Variants in ECE2 observed in about 807,000 individuals in gnomAD.
ECE2 encodes endothelin converting enzyme 2.
A neutral mutation model predicts 100.6 loss-of-function variants in ECE2; 81 were observed. That is an observed-to-expected ratio of 0.81 (90% CI 0.67 to 0.97). ECE2 has a LOEUF of 0.97. Ranked by LOEUF, ECE2 falls within the 50% of genes least tolerant of loss-of-function variation. The pLI, the probability that ECE2 is intolerant of heterozygous loss-of-function variation, is 0.00. For missense variants in ECE2, 911 were observed against 988.1 expected (o/e 0.92, Z 1.05); for synonymous variants, 391 against 391.5 (o/e 1.00, Z 0.02).
chr3:184,281,710 C>T (rs1311908511), intron 7 of ECE2, among the ~76,000 whole-genome samples: 3 of 152,216 alleles, frequency 2.0e-5, no homozygotes, highest in Admixed American at 6.5e-5. Context: ...GGAAAGACTT[C>T]GGTTTGGCTG....
At chr3:184,277,150 C>A in intron 3 of ECE2, 101 bp from the exon 4 acceptor site, 1 of 1,601,436 alleles carries the variant, frequency 6.2e-7, no homozygotes, top group Non-Finnish European at 8.5e-7. Flanking sequence ...GCTTTGCTTT[C>A]TCTTCCCAAC....
At chr3:184,276,344 G>A in intron 1 of ECE2, 137 bp from the exon 2 acceptor site, 2 of 1,374,618 alleles carry the variant, frequency 1.5e-6, no homozygotes, top group Admixed American at 2.2e-5. Context: ...CCCCGGGCCC[G>A]AGAGCAGGGC....
At chr3:184,287,048 C>T (rs1454290402) in intron 10 of ECE2, among the ~76,000 whole-genome samples, 10 of 151,562 alleles carry the variant, frequency 6.6e-5, no homozygotes, top group Non-Finnish European at 2.9e-5. Context: ...TCAAGGTGGG[C>T]GGATCACTTG....
chr3:184,276,170 AG>A lies in ECE2; in HGVS notation c.19del (p.Glu7SerfsTer26). 6.9e-7 allele frequency: 1 copy of A among 1,439,226 alleles called. No individual in the cohort carries two copies. Among genetic ancestry groups the A allele is most frequent in the Non-Finnish European group, 9.1e-7 (1 of 1,102,188 alleles). The allele number at this position is 1,439,226 out of a possible 1,614,324, so 89.2% of individuals were successfully genotyped here. A position where few individuals can be genotyped will look rare whatever the true frequency, so the allele number is the denominator to read the frequency against. The part of the protein sequence containing the change: MNVAL[Q>X]ELGAGSNMVE... ...GACTCCACCATGAACGTCGCGCTGC[AG>A]GAGCTGGGAGCTGGCAGCAACGTGA... On this transcript the variant is annotated frameshift_variant, in exon 1 of 19. Transcript: ENST00000404464. LOFTEE classifies it high-confidence loss of function.
At chr3:184,284,844 A>G in intron 8 of ECE2, 119 bp from the exon 9 acceptor site, 1 of 1,353,214 alleles carries the variant, frequency 7.4e-7, no homozygotes, top group Non-Finnish European at 1.0e-6. Context: ...AGGATACACC[A>G]TGAAGCCAGT....
intron 11 of ECE2, 151 bp downstream of exon 11, chr3:184,288,098 C>A: frequency 1.6e-6 from 1 of 628,202 alleles, no homozygotes; most frequent in Non-Finnish European, 2.7e-6. Context: ...ATCATGGGGT[C>A]AGGAGTTCGA....
At chr3:184,281,608 GT>G (rs1423312102) in intron 7 of ECE2, among the ~76,000 whole-genome samples, 1 of 152,252 alleles carries the variant, frequency 6.6e-6, no homozygotes, top group South Asian at 2.1e-4. Flanking sequence ...GTGAACAGAT[GT>G]GTGATTTTGA....
Position 184,277,949 on chromosome 3 carries a change from G to T in ECE2, c.503G>T (p.Ser168Ile). ...GAAAACACCACCTTCAACTCCAGCAGTGAAGCTGAGCAGAAGACACAGCGC... is the reference window on the plus strand; with the variant it reads ...GAAAACACCACCTTCAACTCCAGCATTGAAGCTGAGCAGAAGACACAGCGC... The part of the protein sequence containing the change: ...LLENTTFNSS[S>I]EAEQKTQRFY... Residue 168 changes from serine (S) to isoleucine (I), a missense_variant, in exon 5 of 19, where the codon AGT (serine) becomes ATT (isoleucine). Coordinates refer to ENST00000404464, the MANE Select transcript of ECE2 (RefSeq NM_001100121.2). 2 of 1,612,900 alleles carry T rather than the reference G, an allele frequency of 1.2e-6. No homozygotes were observed. Among genetic ancestry groups the T allele is most frequent in the Non-Finnish European group, 1.7e-6 (2 of 1,180,028 alleles).
At chr3:184,281,150 A>G (rs993893613) in intron 7 of ECE2, among the ~76,000 whole-genome samples, 2 of 152,204 alleles carry the variant, frequency 1.3e-5, no homozygotes, top group Admixed American at 6.5e-5. Flanking sequence ...TCCTTCTGTC[A>G]TTCATTCAGA....
intron 8 of ECE2, 56 bp from the exon 9 acceptor site, chr3:184,284,907 G>A: frequency 5.0e-6 from 8 of 1,589,848 alleles, no homozygotes; most frequent in Non-Finnish European, 6.8e-6. Context: ...TACAGTGGGG[G>A]AGGGTTCTGC....
chr3:184,279,786 G>A (rs191931638), intron 7 of ECE2, among the ~76,000 whole-genome samples: 1 of 152,142 alleles, frequency 6.6e-6, no homozygotes, highest in African/African-American at 2.4e-5. Flanking sequence ...AATGGGTTAT[G>A]GAGGGGACCT....
intron 1 of ECE2, 86 bp from the exon 2 acceptor site, chr3:184,276,395 C>T (rs1304675076): frequency 1.3e-6 from 2 of 1,518,258 alleles, no homozygotes; most frequent in Non-Finnish European, 1.8e-6. Flanking sequence ...GCGGAGGGGT[C>T]CGCGAGGCAG....
chr3:184,283,326 C>T (rs189785284), intron 7 of ECE2, among the ~76,000 whole-genome samples: 133 of 151,780 alleles, frequency 8.8e-4, no homozygotes, highest in African/African-American at 3.0e-3. Context: ...TTTGAGAGGC[C>T]GAGGCGGGCA....
Position 184,276,031 on chromosome 3 carries a change from C to T in ECE2, c.-123C>T. ...GGGGGGGGGGGCGGCCGCGGCCGAG[C>T]GGGGGTGCTGCGCGGCGGCCGTGAT... On this transcript the variant is annotated 5_prime_UTR_variant, in exon 1 of 19. Transcript: ENST00000404464. 3.7e-6 allele frequency: 4 copies of T among 1,075,810 alleles called. No homozygotes were observed. Among genetic ancestry groups the T allele is most frequent in the Non-Finnish European group, 4.5e-6 (4 of 884,818 alleles). The allele number at this position is 1,075,810 out of a possible 1,614,324, so 66.6% of individuals were successfully genotyped here.
chr3:184,290,675 T>C lies in ECE2; in HGVS notation c.1766+8T>C. On this transcript the variant is annotated splice_region_variant and intron_variant, in intron 15 of 18. Coordinates refer to ENST00000404464, the MANE Select transcript of ECE2 (RefSeq NM_001100121.2). ...TGCCCGCAACCACCCCAAGTGTGTCTGAAGCAGGAGGGGCTGGGTGCTGGG... is the reference window on the plus strand; with the variant it reads ...TGCCCGCAACCACCCCAAGTGTGTCCGAAGCAGGAGGGGCTGGGTGCTGGG... The C allele has an allele frequency of 1.2e-6, 2 of 1,613,846 alleles. No homozygotes were observed. Among genetic ancestry groups the C allele is most frequent in the Non-Finnish European group, 8.5e-7 (1 of 1,179,842 alleles).
In ECE2 at chr3:184,290,282, CA is replaced by C. The variant is rs1721249391; in HGVS notation, c.1583del (p.Asn528ThrfsTer3). Reference sequence around the variant, plus strand: ...CGAAATTTCTGAAGATTCTTTCTTCCAAAACATGTTGAATTTGTACAACTTC... The same window carrying C: ...CGAAATTTCTGAAGATTCTTTCTTCCAAACATGTTGAATTTGTACAACTTC... ...GYEISEDSFF[Q>X]NMLNLYNFSA... is the part of the protein sequence containing the mutation. On this transcript the variant is annotated frameshift_variant, in exon 14 of 19. Coordinates refer to ENST00000404464, the MANE Select transcript of ECE2 (RefSeq NM_001100121.2). LOFTEE classifies it high-confidence loss of function. The C allele has an allele frequency of 6.2e-7, 1 of 1,613,902 alleles. No individual in the cohort carries two copies. The highest frequency in any genetic ancestry group is 1.3e-5 in the African/African-American group (1 of 74,872).
Position 184,278,258 on chromosome 3 carries a change from T to G in ECE2, c.695T>G (p.Phe232Cys). Residue 232 changes from phenylalanine (F) to cysteine (C), a missense_variant, in exon 6 of 19, where the codon TTC (phenylalanine) becomes TGC (cysteine). Coordinates refer to ENST00000404464, the MANE Select transcript of ECE2 (RefSeq NM_001100121.2). ...GCAGGGACCTACAGGGCCACCCCAT[T>G]CTTCACCGTCTACATCAGTGCCGAC... ...AVAGTYRATP[F>C]FTVYISADSK... The G allele has an allele frequency of 6.2e-7, 1 of 1,614,128 alleles. No individual in the cohort carries two copies. The highest frequency in any genetic ancestry group is 1.3e-5 in the African/African-American group (1 of 75,020).
At position 184,289,750 on chromosome 3, in the gene ECE2, C is replaced by T. The variant is rs1037286055; in HGVS notation, c.1551+32C>T. The T allele has an allele frequency of 6.3e-7, 1 of 1,575,284 alleles. No homozygotes were observed. The highest frequency in any genetic ancestry group is 1.4e-5 in the African/African-American group (1 of 74,024). Reference sequence around the variant, plus strand: ...ACCTACGCTCATCAGTACTGAACTTCAGCCCTGTAGAGGGCACTGTTCCCT... The same window carrying T: ...ACCTACGCTCATCAGTACTGAACTTTAGCCCTGTAGAGGGCACTGTTCCCT... On this transcript the variant is annotated intron_variant, in intron 13 of 18. Transcript: ENST00000404464. This position sits in a 1 kb window ranked among gnomAD's most constrained non-coding sequence, Gnocchi z 4.1.
rs1369624927 is a variant in ECE2 at position 184,289,415 on chromosome 3, G to A, written c.1375-22G>A. On this transcript the variant is annotated intron_variant, in intron 11 of 18. Transcript: ENST00000404464. This position sits in a 1 kb window ranked among gnomAD's most constrained non-coding sequence, Gnocchi z 4.1. ...GATGCATTCAGTGCAGGGGAAGGCT[G>A]ACTTTACCTCCTCCCTCCCAGGCAG... 6.3e-7 allele frequency: 1 copy of A among 1,580,134 alleles called. No individual in the cohort carries two copies.
Sources: gnomAD v4.1 joint callset for allele counts (sites outside exome capture counted in the v4.1 genomes callset) on GRCh38, gnomAD v4.1.1 for gene constraint, Gnocchi (gnomAD v3.1) non-coding constraint, MANE v1.5 for transcripts, NCBI Gene and HGNC (gene_info 2026-07-23, HGNC 2026-07-21) for gene names.